TENM2: variants seen among roughly 807,000 people sequenced by gnomAD.
TENM2 encodes the protein teneurin transmembrane protein 2, also known as teneurin-2.
A neutral mutation model predicts 245.2 loss-of-function variants in TENM2; 52 were observed. That is an observed-to-expected ratio of 0.21 (90% CI 0.17 to 0.27). The LOEUF is 0.27. Among genes scored for constraint, TENM2 ranks in the 10% least tolerant of loss-of-function variants. The pLI is 1.00. For synonymous variants in TENM2, 1,363 were observed against 1,438.9 expected, an observed-to-expected ratio of 0.95 and a Z score of 1.19; for missense variants, 3,046 against 3,666.8, an observed-to-expected ratio of 0.83 and a Z score of 4.37.
chr5:167,829,900 G>C (rs956372947), intron 2 of TENM2, among the ~76,000 whole-genome samples: 1 of 152,204 alleles, frequency 6.6e-6, no homozygotes, highest in Non-Finnish European at 1.5e-5. Flanking sequence ...CAGAGCGTCA[G>C]TGAAGGCCAC....
intron 3 of TENM2, among the ~76,000 whole-genome samples, chr5:167,909,068 C>CT (rs66529660): frequency 0.031 from 4,201 of 135,488 alleles, 105 homozygotes; most frequent in African/African-American, 0.075. Flanking sequence ...TTTTCTCTCT[C>CT]TTTTTTTTTT....
At chr5:167,663,182 G>GAGAGAGAGAGAA (rs1554097413) in intron 2 of TENM2, among the ~76,000 whole-genome samples, 1 of 137,520 alleles carries the variant, frequency 7.3e-6, no homozygotes, top group Non-Finnish European at 1.6e-5. Context: ...GAGAGAGAGA[G>GAGAGAGAGAGAA]AGAGAAAGAG....
At chr5:168,192,090 C>T (rs762525672) in intron 14 of TENM2, among the ~76,000 whole-genome samples, 5 of 152,122 alleles carry the variant, frequency 3.3e-5, no homozygotes, top group African/African-American at 7.2e-5. Context: ...ATGTTGGGCT[C>T]GTAAACCTCA....
the TENM2 span, among the ~76,000 whole-genome samples, chr5:167,100,390 G>A: frequency 8.5e-5 from 13 of 152,142 alleles, no homozygotes; most frequent in Admixed American, 6.5e-4. Flanking sequence ...GTTGTCACCC[G>A]GCGCTCACTG....
chr5:167,980,942 G>T (rs1333500099), intron 4 of TENM2, among the ~76,000 whole-genome samples: 2 of 152,160 alleles, frequency 1.3e-5, no homozygotes, highest in Non-Finnish European at 2.9e-5. Context: ...ACTGGAGCAG[G>T]TGTCCTTCCA....
intron 2 of TENM2, among the ~76,000 whole-genome samples, chr5:167,389,412 A>G (rs1195804878): frequency 6.6e-6 from 1 of 152,026 alleles, no homozygotes; most frequent in Non-Finnish European, 1.5e-5. Flanking sequence ...ATAATTTTAC[A>G]GAGTTGGCAT....
chr5:167,725,126 T>A (rs1301154395), intron 2 of TENM2, among the ~76,000 whole-genome samples: 1 of 152,226 alleles, frequency 6.6e-6, no homozygotes, highest in African/African-American at 2.4e-5. Context: ...ATCATGATTT[T>A]AATTAAATAC....
At chr5:167,783,295 C>A (rs1181958142) in intron 2 of TENM2, among the ~76,000 whole-genome samples, 1 of 151,400 alleles carries the variant, frequency 6.6e-6, no homozygotes, top group Non-Finnish European at 1.5e-5. Context: ...GAGAAGGGGT[C>A]ATGTTCATCT....
At chr5:167,992,020 A>G (rs1188621145) in intron 4 of TENM2, among the ~76,000 whole-genome samples, 3 of 152,298 alleles carry the variant, frequency 2.0e-5, no homozygotes, top group African/African-American at 7.2e-5. Context: ...TAACTCAGGA[A>G]CGGAAAACCA....
At chr5:167,130,356 T>C in the TENM2 span, among the ~76,000 whole-genome samples, 4,054 of 152,248 alleles carry the variant, frequency 0.027, 153 homozygotes, top group African/African-American at 0.091. Flanking sequence ...CTAACACATA[T>C]AGTGTTGACT....
intron 3 of TENM2, among the ~76,000 whole-genome samples, chr5:167,891,310 C>G (rs1267604023): frequency 6.6e-6 from 1 of 152,166 alleles, no homozygotes; most frequent in African/African-American, 2.4e-5. Context: ...GAGTCTCCCT[C>G]TGTCACACAG....
the TENM2 span, among the ~76,000 whole-genome samples, chr5:167,254,051 C>A: frequency 6.6e-6 from 1 of 151,768 alleles, no homozygotes; most frequent in Admixed American, 6.6e-5. Flanking sequence ...ATATTTAATA[C>A]AAGTTGCTTG....
intron 25 of TENM2, among the ~76,000 whole-genome samples, chr5:168,233,635 CAAGGG>C (rs1765144759): frequency 6.6e-6 from 1 of 152,164 alleles, no homozygotes; most frequent in African/African-American, 2.4e-5. Flanking sequence ...AGGGCCACCA[CAAGGG>C]AGAAGCTGGC....
chr5:167,783,668 A>G lies in TENM2; in HGVS notation c.503-92318A>G, dbSNP rs569651511. Among the ~76,000 whole-genome samples the G allele has an allele frequency of 5.3e-5, 8 of 152,296 alleles. No individual in the cohort carries two copies. The South Asian group carries it at 1.7e-3, about 32-fold the overall frequency. On this transcript the variant is annotated intron_variant, in intron 2 of 28. Coordinates refer to ENST00000518659, the Ensembl canonical transcript of TENM2. Reference sequence around the variant, plus strand: ...ATGGAGATGCTGCTGGCCTTCTGAGAACTAGTAGAGGCAAGCTTCCAAATC... The same window carrying G: ...ATGGAGATGCTGCTGGCCTTCTGAGGACTAGTAGAGGCAAGCTTCCAAATC...
intron 2 of TENM2, among the ~76,000 whole-genome samples, 162 bp downstream of exon 4, chr5:167,375,635 C>T (rs1760703050): frequency 1.3e-5 from 2 of 152,140 alleles, no homozygotes; most frequent in Admixed American, 6.5e-5. Context: ...AACCAGCAAC[C>T]CTCCAGCACA....
intron 5 of TENM2, among the ~76,000 whole-genome samples, chr5:167,993,845 G>T (rs1783851924): frequency 6.6e-6 from 1 of 152,204 alleles, no homozygotes; most frequent in Non-Finnish European, 1.5e-5. Context: ...CTGGGCTTCT[G>T]GTGACTCAGT....
At chr5:166,994,707 C>A in the TENM2 span, among the ~76,000 whole-genome samples, 128,203 of 152,112 alleles carry the variant, frequency 0.84, 54,245 homozygotes, top group Middle Eastern at 0.89. Flanking sequence ...AGGAACTGAA[C>A]ATCACAGCTG....
At chr5:167,571,448 G>T (rs1043732472) in intron 2 of TENM2, among the ~76,000 whole-genome samples, 1 of 152,044 alleles carries the variant, frequency 6.6e-6, no homozygotes, top group African/African-American at 2.4e-5. Context: ...TCACATAAAA[G>T]TTACATTCCT....
At chr5:167,845,222 A>C (rs1583168791) in intron 2 of TENM2, among the ~76,000 whole-genome samples, 2 of 127,522 alleles carry the variant, frequency 1.6e-5, no homozygotes, top group African/African-American at 2.9e-5. Flanking sequence ...CCTTCCCCCG[A>C]GTCCCCCCCT....
Sources: gnomAD v4.1 joint callset for allele counts (sites outside exome capture counted in the v4.1 genomes callset) on GRCh38, gnomAD v4.1.1 for gene constraint, MANE v1.5 for transcripts, NCBI Gene and HGNC (gene_info 2026-07-23, HGNC 2026-07-21) for gene names.